Variants in PXK observed in about 807,000 individuals in gnomAD.
PXK encodes the protein PX domain-containing protein kinase-like protein.
In PXK, 35 loss-of-function variants were observed where a neutral mutation model predicts 84.7. The ratio of observed to expected loss-of-function variants is 0.41; its 90% CI spans 0.32 to 0.55. The LOEUF is 0.55. PXK is among the 20% of genes least tolerant of loss of function. The pLI is 0.21. For synonymous variants in PXK, 253 were observed against 260.8 expected (o/e 0.97, Z 0.29); for missense variants, 634 against 699.7 (o/e 0.91, Z 1.06).
At chr3:58,369,546 G>C (rs9867320) in intron 3 of PXK, 68 bp downstream of exon 3, 1,040,628 of 1,331,868 alleles carry the variant, frequency 0.78, 406,411 homozygotes, top group Middle Eastern at 0.81. Flanking sequence ...GGCTGGAGTC[G>C]GGGCACGGTG....
intron 1 of PXK, among the ~76,000 whole-genome samples, chr3:58,336,055 ATATATATATATATATATTTT>A (rs1417195356): frequency 8.6e-5 from 5 of 58,478 alleles, no homozygotes; most frequent in South Asian, 5.3e-4. Flanking sequence ...ATATATATAT[ATATATATATATATATATTTT>A]TTTTTTTTTT....
chr3:58,342,634 C>CAAAA lies in PXK; in HGVS notation c.102+9558_102+9561dup, dbSNP rs71091369. ...TGGGCCACAGAGTGAGACTCTGTCT[C>CAAAA]AAAAAAAAAAAAAAAAAGAAAAGAA... On this transcript the variant is annotated intron_variant, in intron 1 of 17. Coordinates refer to ENST00000356151, the MANE Select transcript of PXK (RefSeq NM_017771.5). Among the ~76,000 whole-genome samples the CAAAA allele has an allele frequency of 9.6e-4, 109 of 113,454 alleles. 2 individuals carry two copies. Among genetic ancestry groups the CAAAA allele is most frequent in the East Asian group, 4.0e-3 (13 of 3,278 alleles). The allele number at this position is 113,454 out of a possible 152,430, so 74.4% of individuals were successfully genotyped here.
chr3:58,354,651 T>C (rs554831499), intron 1 of PXK, among the ~76,000 whole-genome samples: 1 of 152,154 alleles, frequency 6.6e-6, no homozygotes, highest in Non-Finnish European at 1.5e-5. Flanking sequence ...GGTTTCATCA[T>C]GTTGGCCAGG....
At position 58,400,495 on chromosome 3, in the gene PXK, C is replaced by T. The variant is rs986344918; in HGVS notation, c.1181+1118C>T. ...GTGTTTAGAGAGGGCCTTCTGGAGGCCAGCTGCTGTCCTAGGCACTGTAAT... is the reference window on the plus strand; with the variant it reads ...GTGTTTAGAGAGGGCCTTCTGGAGGTCAGCTGCTGTCCTAGGCACTGTAAT... On this transcript the variant is annotated intron_variant, in intron 12 of 17. Transcript: ENST00000356151. This position sits in a 1 kb window ranked among gnomAD's most constrained non-coding sequence, Gnocchi z 4.0. Among the ~76,000 whole-genome samples, 5 of 152,164 alleles carry T rather than the reference C, an allele frequency of 3.3e-5. No homozygotes were observed. In the South Asian group the frequency reaches 8.3e-4, roughly 25 times the overall value.
intron 3 of PXK, among the ~76,000 whole-genome samples, chr3:58,374,318 C>T (rs1212375409): frequency 6.6e-6 from 1 of 151,850 alleles, no homozygotes; most frequent in Non-Finnish European, 1.5e-5. Flanking sequence ...TTACATGCCC[C>T]CACCATCATG....
rs1042248198 is a variant in PXK at position 58,400,940 on chromosome 3, T to C, written c.1181+1563T>C. ...CAAAACAAAACAAACAATGTGAATA[T>C]GGAAAAACAGACCCAGTTTGGAAAA... On this transcript the variant is annotated intron_variant, in intron 12 of 17. Transcript: ENST00000356151. This position sits in a 1 kb window ranked among gnomAD's most constrained non-coding sequence, Gnocchi z 4.0. Among the ~76,000 whole-genome samples the C allele has an allele frequency of 3.0e-4, 46 of 152,004 alleles. No individual in the cohort carries two copies. Among genetic ancestry groups the C allele is most frequent in the African/African-American group, 9.2e-4 (38 of 41,378 alleles).
chr3:58,369,297 A>G (rs1390729390), intron 2 of PXK, 134 bp from the exon 3 acceptor site: 1 of 611,868 alleles, frequency 1.6e-6, no homozygotes, highest in East Asian at 2.9e-5. Context: ...AGCACCAGGT[A>G]TAAGCCCTAC....
At chr3:58,340,007 G>A (rs34175495) in intron 1 of PXK, among the ~76,000 whole-genome samples, 12,209 of 151,698 alleles carry the variant, frequency 0.08, 582 homozygotes, top group South Asian at 0.1. Context: ...TAGTAGAGAC[G>A]GGGTTTCACC....
chr3:58,379,768 A>C lies in PXK; in HGVS notation c.202-2746A>C, dbSNP rs980976712. ...ACTATTTAGAAGGGCTAAAAGATAA[A>C]GGAAATACTCTTTAAAAAAAAGAAA... is the stretch of plus-strand genomic sequence containing the variant. On this transcript the variant is annotated intron_variant, in intron 3 of 17. Transcript: ENST00000356151. This position sits in a 1 kb window ranked among gnomAD's most constrained non-coding sequence, Gnocchi z 5.1. 2.0e-5 allele frequency among the ~76,000 whole-genome samples: 3 copies of C among 152,144 alleles called. No homozygotes were observed. Among genetic ancestry groups the C allele is most frequent in the Non-Finnish European group, 4.4e-5 (3 of 68,038 alleles).
chr3:58,343,279 G>T (rs1163501195), intron 1 of PXK, among the ~76,000 whole-genome samples: 1 of 152,232 alleles, frequency 6.6e-6, no homozygotes, highest in Non-Finnish European at 1.5e-5. Flanking sequence ...AGAGGGAAAT[G>T]AAGCCAGAAA....
rs145822633 is a variant in PXK, at chr3:58,421,352, C to T, written c.1529-3400C>T. On this transcript the variant is annotated intron_variant, in intron 17 of 17. Coordinates refer to ENST00000356151, the MANE Select transcript of PXK (RefSeq NM_017771.5). The surrounding 1 kb of genome is among the most constrained non-coding windows in gnomAD (Gnocchi z 5.5). ...ATCTCAGCACTTTGGGAGGCTGAGG[C>T]GGGCGGATCACAAGGATCAGGAGTT... 34,462 of 966,316 alleles carry T rather than the reference C, an allele frequency of 0.036. 700 individuals are homozygous for T. The highest frequency in any genetic ancestry group is 0.074 in the South Asian group (1,548 of 20,902). 59.9% of individuals were successfully genotyped at this position (966,316 alleles called of 1,614,324 possible).
chr3:58,370,050 C>T lies in PXK; in HGVS notation c.201+572C>T, dbSNP rs577366280. ...TCTTACCACAGTCATAGGAGGCTGACGTAATATCTCCTTTTAACAGATGTG... is the reference window on the plus strand; with the variant it reads ...TCTTACCACAGTCATAGGAGGCTGATGTAATATCTCCTTTTAACAGATGTG... On this transcript the variant is annotated intron_variant, in intron 3 of 17. Transcript: ENST00000356151. This position sits in a 1 kb window ranked among gnomAD's most constrained non-coding sequence, Gnocchi z 4.2. Among the ~76,000 whole-genome samples, 54 of 152,172 alleles carry T rather than the reference C, an allele frequency of 3.5e-4. No homozygotes were observed. The highest frequency in any genetic ancestry group is 1.1e-3 in the African/African-American group (46 of 41,520).
chr3:58,354,821 A>G (rs113388245), intron 1 of PXK, among the ~76,000 whole-genome samples: 3,796 of 152,122 alleles, frequency 0.025, 158 homozygotes, highest in African/African-American at 0.087. Context: ...GGAACATTTA[A>G]GACCTGCTGG....
intron 1 of PXK, among the ~76,000 whole-genome samples, chr3:58,347,111 G>C (rs1298486441): frequency 6.6e-6 from 1 of 152,164 alleles, no homozygotes; most frequent in Non-Finnish European, 1.5e-5. Context: ...AAAGTGCTGG[G>C]ATTACAGTTG....
chr3:58,400,014 A>G lies in PXK; in HGVS notation c.1181+637A>G, dbSNP rs2058317613. Among the ~76,000 whole-genome samples the G allele has an allele frequency of 2.6e-5, 4 of 151,970 alleles. No individual in the cohort carries two copies. Among genetic ancestry groups the G allele is most frequent in the Non-Finnish European group, 4.4e-5 (3 of 68,004 alleles). ...CTTCAGGTGCATTTTCTGTTCTTTC[A>G]TGGAAAGGCAGCAGAGTGGTTAAGA... On this transcript the variant is annotated intron_variant, in intron 12 of 17. Transcript: ENST00000356151. This position sits in a 1 kb window ranked among gnomAD's most constrained non-coding sequence, Gnocchi z 4.0.
At position 58,390,195 on chromosome 3, in the gene PXK, A is replaced by C. The variant is rs1422583356; in HGVS notation, c.389-387A>C. ...CCTATCTCAAAAAACAAAAAACAAA[A>C]CTAAACAAAAGAAGTTGCAATGATA... On this transcript the variant is annotated intron_variant, in intron 4 of 17. Coordinates refer to ENST00000356151, the MANE Select transcript of PXK (RefSeq NM_017771.5). This position sits in a 1 kb window ranked among gnomAD's most constrained non-coding sequence, Gnocchi z 4.2. Among the ~76,000 whole-genome samples the C allele has an allele frequency of 6.6e-6, 1 of 151,886 alleles. No individual in the cohort carries two copies. Among genetic ancestry groups the C allele is most frequent in the Non-Finnish European group, 1.5e-5 (1 of 68,004 alleles).
chr3:58,369,166 A>G (rs2098325785), intron 2 of PXK, among the ~76,000 whole-genome samples: 1 of 152,194 alleles, frequency 6.6e-6, no homozygotes, highest in East Asian at 1.9e-4. Flanking sequence ...CCTGAAAACA[A>G]ATATTCTCAC....
chr3:58,361,079 C>T (rs2098175970), intron 1 of PXK, among the ~76,000 whole-genome samples: 2 of 151,430 alleles, frequency 1.3e-5, no homozygotes, highest in Admixed American at 1.3e-4. Context: ...GGCGGATCAC[C>T]TGAGGTCAGG....
intron 1 of PXK, among the ~76,000 whole-genome samples, chr3:58,361,427 T>C (rs2098185037): frequency 6.6e-6 from 1 of 152,014 alleles, no homozygotes; most frequent in African/African-American, 2.4e-5. Context: ...ACAGTCACGA[T>C]AGAGAACACT....
Sources: allele counts gnomAD v4.1 joint callset (sites outside exome capture counted in the v4.1 genomes callset), GRCh38; gene constraint gnomAD v4.1.1; non-coding constraint Gnocchi (gnomAD v3.1); transcripts MANE v1.5; gene names NCBI Gene and HGNC (gene_info 2026-07-23, HGNC 2026-07-21).